Variants in KIAA1549L observed in about 807,000 individuals in gnomAD.
KIAA1549L encodes the protein KIAA1549 like.
In KIAA1549L, 88 loss-of-function variants were observed where a neutral mutation model predicts 160.7. The observed-to-expected ratio is 0.55, with a 90% CI of 0.46 to 0.65. The LOEUF (loss-of-function observed/expected upper bound fraction) is 0.65. KIAA1549L is among the 30% of genes least tolerant of loss of function. KIAA1549L has a pLI of 0.00. For synonymous variants in KIAA1549L, 950 were observed against 976.7 expected (o/e 0.97, Z 0.51); for missense variants, 2,258 against 2,437.5 (o/e 0.93, Z 1.55).
Position 33,544,772 on chromosome 11 carries a change from A to G in KIAA1549L, c.2779A>G (p.Thr927Ala). The G allele has an allele frequency of 6.3e-7, 1 of 1,591,732 alleles. No individual in the cohort carries two copies. Among genetic ancestry groups the G allele is most frequent in the Non-Finnish European group, 8.6e-7 (1 of 1,166,030 alleles). ...TGTTTTTTCTCTCTTTACAGCGGAC[A>G]CAGTATCATCTAAGGTACAGCCAAC... ...SQHPKKWTADTVSSKVQPTAA... is the reference protein window; with the variant it reads ...SQHPKKWTADAVSSKVQPTAA... The change falls in exon 3 of 21, where the codon ACA becomes GCA. Residue 927 changes from threonine (T) to alanine (A), a missense_variant. Physicochemically the swap from Thr to Ala is moderately conservative, Grantham distance 58. Around this residue, in one of 6 missense-constraint regions of KIAA1549L, gnomAD observed 41 missense variants for 79.8 expected, o/e 0.51. Coordinates refer to ENST00000658780, the MANE Select transcript of KIAA1549L (RefSeq NM_012194.3).
intron 1 of KIAA1549L, among the ~76,000 whole-genome samples, chr11:33,529,608 G>A (rs1384968216): frequency 6.6e-6 from 1 of 152,192 alleles, no homozygotes; most frequent in African/African-American, 2.4e-5. Flanking sequence ...CTGGAACAAG[G>A]CAATTGGATC....
At chr11:33,653,674 T>C (rs1851960677) in intron 17 of KIAA1549L, among the ~76,000 whole-genome samples, 1 of 152,218 alleles carries the variant, frequency 6.6e-6, no homozygotes, top group Admixed American at 6.5e-5. Flanking sequence ...CTGCCTTGTC[T>C]TTGTTTTCCT....
intron 1 of KIAA1549L, among the ~76,000 whole-genome samples, chr11:33,527,082 G>A (rs1853630925): frequency 6.6e-6 from 1 of 152,120 alleles, no homozygotes; most frequent in Non-Finnish European, 1.5e-5. Context: ...CAAGGCTTTT[G>A]AATTAACCTA....
chr11:33,464,474 ATGTG>A (rs3038997), intron 1 of KIAA1549L, among the ~76,000 whole-genome samples: 10,993 of 140,136 alleles, frequency 0.078, 453 homozygotes, highest in Non-Finnish European at 0.099. Flanking sequence ...CTGTGTGTGC[ATGTG>A]TGTGTGTGTG....
chr11:33,527,075 G>A (rs986134801), intron 1 of KIAA1549L, among the ~76,000 whole-genome samples: 3 of 152,126 alleles, frequency 2.0e-5, no homozygotes, highest in Admixed American at 2.0e-4. Flanking sequence ...ATGAAGACAA[G>A]GCTTTTGAAT....
chr11:33,595,569 G>C (rs1410115580), intron 12 of KIAA1549L, among the ~76,000 whole-genome samples: 1 of 152,132 alleles, frequency 6.6e-6, no homozygotes, highest in Non-Finnish European at 1.5e-5. Context: ...TTTACTAAGG[G>C]CTGGTTAGAT....
rs750624590 is a variant in KIAA1549L at position 33,672,383 on chromosome 11, A to C, written c.*4229A>C. On this transcript the variant is annotated 3_prime_UTR_variant, in exon 21 of 21. Transcript: ENST00000658780. ...TTTGAGGATCTGATTGGTTTAGTTC[A>C]TCTGCCTATGGGTGAGCCACCCTGG... 5.3e-5 allele frequency: 8 copies of C among 152,296 alleles called. No individual in the cohort carries two copies. The highest frequency in any genetic ancestry group is 7.3e-5 in the Non-Finnish European group (5 of 68,134). The allele number at this position is 152,296 out of a possible 1,614,324, so 9.4% of individuals were successfully genotyped here. A position where few individuals can be genotyped will look rare whatever the true frequency, so the allele number is the denominator to read the frequency against.
intron 13 of KIAA1549L, among the ~76,000 whole-genome samples, chr11:33,604,588 G>A (rs577265132): frequency 6.6e-6 from 1 of 152,262 alleles, no homozygotes; most frequent in African/African-American, 2.4e-5. Context: ...AGAAAATGTA[G>A]TATATATACA....
At chr11:33,597,939 C>T (rs935828179) in intron 12 of KIAA1549L, among the ~76,000 whole-genome samples, 1 of 152,118 alleles carries the variant, frequency 6.6e-6, no homozygotes, top group Non-Finnish European at 1.5e-5. Context: ...GTGGCAGCCA[C>T]CAAATCAGTG....
intron 14 of KIAA1549L, among the ~76,000 whole-genome samples, chr11:33,607,205 T>C (rs950534088): frequency 6.6e-6 from 1 of 152,064 alleles, no homozygotes; most frequent in Non-Finnish European, 1.5e-5. Context: ...GGGGCTTGAA[T>C]TGAGAGGGAA....
chr11:33,423,741 C>G (rs1052817735), intron 1 of KIAA1549L, among the ~76,000 whole-genome samples: 1 of 152,186 alleles, frequency 6.6e-6, no homozygotes, highest in African/African-American at 2.4e-5. Flanking sequence ...AGAATTGTAA[C>G]AGAAGGCTGA....
At chr11:33,484,688 G>A (rs1852484204) in intron 1 of KIAA1549L, among the ~76,000 whole-genome samples, 1 of 152,174 alleles carries the variant, frequency 6.6e-6, no homozygotes, top group African/African-American at 2.4e-5. Flanking sequence ...GTTAGCGTCT[G>A]CTGGTGTGGA....
At chr11:33,475,940 A>T (rs554154647) in intron 1 of KIAA1549L, among the ~76,000 whole-genome samples, 1 of 152,012 alleles carries the variant, frequency 6.6e-6, no homozygotes, top group Non-Finnish European at 1.5e-5. Context: ...GGATTCATTA[A>T]ATCTGGGGTG....
intron 1 of KIAA1549L, among the ~76,000 whole-genome samples, chr11:33,429,695 C>G (rs1342322060): frequency 6.6e-6 from 1 of 152,152 alleles, no homozygotes; most frequent in Non-Finnish European, 1.5e-5. Context: ...TCCTTTGTAT[C>G]TCTTCTACCC....
At chr11:33,652,397 C>T (rs957254059) in intron 17 of KIAA1549L, among the ~76,000 whole-genome samples, 4 of 152,226 alleles carry the variant, frequency 2.6e-5, no homozygotes, top group Non-Finnish European at 5.9e-5. Flanking sequence ...CCTGGGGCCC[C>T]GAGGATACAG....
intron 1 of KIAA1549L, among the ~76,000 whole-genome samples, chr11:33,526,996 C>G (rs535192789): frequency 1.6e-4 from 25 of 152,106 alleles, no homozygotes; most frequent in African/African-American, 5.8e-4. Flanking sequence ...GACATACTTA[C>G]AGAAATGCAA....
intron 1 of KIAA1549L, among the ~76,000 whole-genome samples, chr11:33,515,107 G>T (rs1039124347): frequency 3.9e-5 from 6 of 152,144 alleles, no homozygotes; most frequent in Non-Finnish European, 7.3e-5. Context: ...TCACCAGGGG[G>T]TCGTATTTAT....
chr11:33,570,013 T>TTC (rs1469359720), intron 9 of KIAA1549L, among the ~76,000 whole-genome samples: 3 of 150,748 alleles, frequency 2.0e-5, no homozygotes, highest in Non-Finnish European at 4.4e-5. Flanking sequence ...TCTCTTTTTT[T>TTC]TTTTTTTTGA....
At position 33,670,314 on chromosome 11, in the gene KIAA1549L, G is replaced by A. The variant is rs1022346264; in HGVS notation, c.*2160G>A. On this transcript the variant is annotated 3_prime_UTR_variant, in exon 21 of 21. Transcript: ENST00000658780. ...GTATACGTAAATGTTTCAGAAGACAGTGTCTGAAATTTGGCTGTTTCAATG... is the reference window on the plus strand; with the variant it reads ...GTATACGTAAATGTTTCAGAAGACAATGTCTGAAATTTGGCTGTTTCAATG... The A allele has an allele frequency of 6.6e-6, 1 of 152,242 alleles. No homozygotes were observed. Among genetic ancestry groups the A allele is most frequent in the African/African-American group, 2.4e-5 (1 of 41,458 alleles). 9.4% of individuals were successfully genotyped at this position (152,242 alleles called of 1,614,324 possible).
Sources: allele counts gnomAD v4.1 joint callset (sites outside exome capture counted in the v4.1 genomes callset), GRCh38; gene constraint gnomAD v4.1.1; regional missense constraint gnomAD v4.1.1; transcripts MANE v1.5; gene names NCBI Gene and HGNC (gene_info 2026-07-23, HGNC 2026-07-21).